The following PDE8B variants were observed in gnomAD, a reference collection of about 807,000 sequenced individuals.
PDE8B encodes the protein phosphodiesterase 8B.
A neutral mutation model predicts 101.3 loss-of-function variants in PDE8B; 26 were observed. The ratio of observed to expected loss-of-function variants is 0.26; its 90% CI spans 0.19 to 0.36. The LOEUF is 0.36. Among genes scored for constraint, PDE8B ranks in the 10% least tolerant of loss-of-function variants. The probability of loss-of-function intolerance (pLI) is 1.00; values close to 1 mark genes in which losing one functional copy is unlikely to be tolerated. For synonymous variants in PDE8B, 424 were observed against 429.3 expected, an observed-to-expected ratio of 0.99 and a Z score of 0.15; for missense variants, 810 against 1,163.1, an observed-to-expected ratio of 0.70 and a Z score of 4.42.
At position 77,233,699 on chromosome 5, in the gene PDE8B, T is replaced by TGC. The variant is rs1554061228; in HGVS notation, c.339+22436_339+22437dup. Among the ~76,000 whole-genome samples the TGC allele has an allele frequency of 8.4e-3, 1,231 of 146,978 alleles. 21 individuals carry two copies. The highest frequency in any genetic ancestry group is 0.03 in the African/African-American group (1,176 of 39,792). ...GTGTGTGTGTGTGTGTGTGTGTGTG[T>TGC]GCAGTAGACTTTTGTTGCATTAGGT... On this transcript the variant is annotated intron_variant, in intron 1 of 21. Coordinates refer to ENST00000264917, the MANE Select transcript of PDE8B (RefSeq NM_003719.5).
intron 10 of PDE8B, among the ~76,000 whole-genome samples, chr5:77,365,682 G>A (rs1285498160): frequency 3.3e-5 from 5 of 152,224 alleles, no homozygotes; most frequent in African/African-American, 1.2e-4. Flanking sequence ...CTTTGTCAGG[G>A]CCAGGGAGCT....
intron 1 of PDE8B, among the ~76,000 whole-genome samples, chr5:77,252,621 G>T (rs1758284485): frequency 6.6e-6 from 1 of 152,178 alleles, no homozygotes; most frequent in Non-Finnish European, 1.5e-5. Flanking sequence ...GTTTGAGGAA[G>T]ATACTTTTGT....
At chr5:77,114,285 G>C in the PDE8B span, 2 of 152,136 alleles carry the variant, frequency 1.3e-5, no homozygotes, top group Admixed American at 1.3e-4. Context: ...TGATAGATTG[G>C]ATTAAGAAAA....
the PDE8B span, among the ~76,000 whole-genome samples, chr5:77,122,281 A>G: frequency 6.6e-6 from 1 of 152,338 alleles, no homozygotes; most frequent in East Asian, 1.9e-4. Flanking sequence ...TCCTAGACAC[A>G]GTCCTTCCTG....
the PDE8B span, chr5:77,098,760 T>G: frequency 6.6e-6 from 1 of 152,132 alleles, no homozygotes; most frequent in Non-Finnish European, 1.5e-5. Flanking sequence ...GAGAGCCTTT[T>G]TGCATTATCC....
At chr5:77,237,245 C>G (rs1386947143) in intron 1 of PDE8B, among the ~76,000 whole-genome samples, 1 of 151,894 alleles carries the variant, frequency 6.6e-6, no homozygotes, top group Non-Finnish European at 1.5e-5. Flanking sequence ...TTATTTAGAC[C>G]ATTTACATTT....
At chr5:77,180,907 C>A in the PDE8B span, among the ~76,000 whole-genome samples, 1 of 152,080 alleles carries the variant, frequency 6.6e-6, no homozygotes, top group Non-Finnish European at 1.5e-5. Context: ...CCAGTGGCTG[C>A]AAAGCTGCCT....
At chr5:77,342,225 C>T (rs1779331093) in intron 6 of PDE8B, among the ~76,000 whole-genome samples, 1 of 152,200 alleles carries the variant, frequency 6.6e-6, no homozygotes, top group Non-Finnish European at 1.5e-5. Context: ...CAACAGGTAT[C>T]TACATGTGTT....
the PDE8B span, chr5:77,141,153 G>T: frequency 1.3e-5 from 2 of 152,052 alleles, no homozygotes; most frequent in Non-Finnish European, 2.9e-5. Flanking sequence ...TTGGGAATTG[G>T]TATATGTTTG....
rs758954621 is a variant in PDE8B at position 77,353,366 on chromosome 5, C to T, written c.1127C>T (p.Ser376Leu). 8.8e-6 allele frequency: 14 copies of T among 1,593,624 alleles called. No homozygotes were observed. Among genetic ancestry groups the T allele is most frequent in the East Asian group, 2.2e-5 (1 of 44,786 alleles). Residue 376 changes from serine (S) to leucine (L), a missense_variant, in exon 10 of 22, where the codon TCG (serine) becomes TTG (leucine). Physicochemically the swap from Ser to Leu is moderately radical, Grantham distance 145 (BLOSUM62 -2). Coordinates refer to ENST00000264917, the MANE Select transcript of PDE8B (RefSeq NM_003719.5). ...ATTAGGAAAATTAGGCATTTTGTCTCGCTCAAGAAACTGTGTTGTACCACT... is the reference window on the plus strand; with the variant it reads ...ATTAGGAAAATTAGGCATTTTGTCTTGCTCAAGAAACTGTGTTGTACCACT... ...GQGGKIRHFV[S>L]LKKLCCTTDN... is the part of the protein sequence containing the mutation.
chr5:77,138,548 C>G, the PDE8B span, among the ~76,000 whole-genome samples: 2 of 152,088 alleles, frequency 1.3e-5, no homozygotes, highest in Non-Finnish European at 2.9e-5. Flanking sequence ...TCCTTATTTC[C>G]TATCAGTTTG....
chr5:77,350,702 C>A (rs1022572496), intron 8 of PDE8B, among the ~76,000 whole-genome samples: 27 of 152,088 alleles, frequency 1.8e-4, no homozygotes, highest in Admixed American at 1.8e-3. Context: ...CTCAGTTTAC[C>A]CACCTGTAAA....
At chr5:77,102,249 T>C in the PDE8B span, among the ~76,000 whole-genome samples, 2 of 152,196 alleles carry the variant, frequency 1.3e-5, no homozygotes, top group African/African-American at 4.8e-5. Flanking sequence ...TGGGGTCATT[T>C]GCACCAGGCT....
At chr5:77,323,747 A>G (rs1775516049) in intron 2 of PDE8B, among the ~76,000 whole-genome samples, 1 of 152,176 alleles carries the variant, frequency 6.6e-6, no homozygotes, top group South Asian at 2.1e-4. Context: ...TCATGAGGTC[A>G]GGAGTTCGAG....
Position 77,254,769 on chromosome 5 carries a change from G to T in PDE8B, c.339+43505G>T, listed in dbSNP as rs1202782682. Among the ~76,000 whole-genome samples the T allele has an allele frequency of 2.0e-5, 3 of 152,198 alleles. No homozygotes were observed. The East Asian group carries it at 5.8e-4, about 29-fold the overall frequency. On this transcript the variant is annotated intron_variant, in intron 1 of 21. Coordinates refer to ENST00000264917, the MANE Select transcript of PDE8B (RefSeq NM_003719.5). ...GTGCCTGCTGTTTTCTGTTCTTCTTGAAATGTCTTATGTTTTCCTGGATGG... is the reference window on the plus strand; with the variant it reads ...GTGCCTGCTGTTTTCTGTTCTTCTTTAAATGTCTTATGTTTTCCTGGATGG...
At chr5:77,403,808 T>G (rs1306681669) in intron 11 of PDE8B, among the ~76,000 whole-genome samples, 1 of 151,058 alleles carries the variant, frequency 6.6e-6, no homozygotes, top group Non-Finnish European at 1.5e-5. Flanking sequence ...GTTTTAATGT[T>G]TATTTTCTTA....
chr5:77,368,882 G>A (rs950032743), intron 10 of PDE8B, among the ~76,000 whole-genome samples: 2 of 152,074 alleles, frequency 1.3e-5, no homozygotes, highest in African/African-American at 4.8e-5. Flanking sequence ...GCAAAGAGGT[G>A]TGGTTAGACC....
intron 1 of PDE8B, among the ~76,000 whole-genome samples, chr5:77,267,123 C>G (rs938403109): frequency 6.6e-6 from 1 of 152,012 alleles, no homozygotes; most frequent in Non-Finnish European, 1.5e-5. Flanking sequence ...TTCTTACTTC[C>G]TGGAGGTTTA....
At chr5:77,237,923 C>T (rs1012198141) in intron 1 of PDE8B, among the ~76,000 whole-genome samples, 3 of 150,698 alleles carry the variant, frequency 2.0e-5, no homozygotes, top group Non-Finnish European at 2.9e-5. Flanking sequence ...ATTTCACTAC[C>T]TTCTGTCTCC....
Sources: allele counts gnomAD v4.1 joint callset (sites outside exome capture counted in the v4.1 genomes callset), GRCh38; gene constraint gnomAD v4.1.1; transcripts MANE v1.5; gene names NCBI Gene and HGNC (gene_info 2026-07-23, HGNC 2026-07-21).